The following PAK3 variants were observed in gnomAD, a reference collection of about 807,000 sequenced individuals.
PAK3 encodes serine/threonine-protein kinase PAK 3.
In PAK3, 4 loss-of-function variants were observed where a neutral mutation model predicts 41.0. The ratio of observed to expected loss-of-function variants is 0.10; its 90% CI spans 0.05 to 0.22. PAK3 has a LOEUF of 0.22. Ranked by LOEUF, PAK3 falls within the 10% of genes least tolerant of loss-of-function variation. The pLI, the probability that PAK3 is intolerant of heterozygous loss-of-function variation, is 1.00. For missense variants in PAK3, 205 were observed against 409.9 expected (o/e 0.50, Z 4.32); for synonymous variants, 146 against 139.6 (o/e 1.05, Z -0.32).
chrX:111,201,352 G>A (rs1277774390), intron 16 of PAK3, among the ~76,000 whole-genome samples: 1 of 111,993 alleles, frequency 8.9e-6, no homozygotes, highest in African/African-American at 3.2e-5. Flanking sequence ...GGAGATTGGA[G>A]AGAAAAAGGA....
intron 4 of PAK3, among the ~76,000 whole-genome samples, chrX:111,111,132 C>G (rs1162117947): frequency 8.9e-6 from 1 of 111,841 alleles, no homozygotes; most frequent in African/African-American, 3.2e-5. Context: ...TCCCACATGT[C>G]CAGCTCTCCA....
intron 11 of PAK3, among the ~76,000 whole-genome samples, chrX:111,181,461 G>A (rs894983537): frequency 1.8e-5 from 2 of 111,016 alleles, no homozygotes; most frequent in African/African-American, 6.5e-5. Flanking sequence ...TAGCTCATGC[G>A]TAATCAAGCC....
At chrX:111,178,980 T>C (rs11796071) in intron 11 of PAK3, among the ~76,000 whole-genome samples, 9,612 of 91,528 alleles carry the variant, frequency 0.11, 1,311 homozygotes, top group African/African-American at 0.35. Flanking sequence ...TATATATATA[T>C]AGAGAGAGAG....
chrX:111,182,313 C>T (rs1337838076), intron 11 of PAK3, among the ~76,000 whole-genome samples: 1 of 110,404 alleles, frequency 9.1e-6, no homozygotes, highest in Non-Finnish European at 1.9e-5. Flanking sequence ...ACCGAGCTCC[C>T]TGGCCCCACA....
In PAK3 at chrX:111,198,747, T is replaced by G. The variant is rs1045180467; in HGVS notation, c.1407+2107T>G. On this transcript the variant is annotated intron_variant, in intron 16 of 17. Coordinates refer to ENST00000372007, the MANE Select transcript of PAK3 (RefSeq NM_002578.5). Reference sequence around the variant, plus strand: ...GTTACTGTAGGCTTGTAGTACAGTTTAAAGCCAGGTAATATGATGCCTCCA... The same window carrying G: ...GTTACTGTAGGCTTGTAGTACAGTTGAAAGCCAGGTAATATGATGCCTCCA... Among the ~76,000 whole-genome samples the G allele has an allele frequency of 2.7e-5, 3 of 111,516 alleles. No homozygotes were observed. In the Admixed American group the frequency reaches 2.9e-4, roughly 11 times the overall value.
chrX:110,952,010 C>T (rs141793810), intron 1 of PAK3, among the ~76,000 whole-genome samples: 3,546 of 112,155 alleles, frequency 0.032, 54 homozygotes, highest in Non-Finnish European at 0.05. Flanking sequence ...AACTTGGCTT[C>T]CTGCAAAGAG....
chrX:111,075,191 T>G (rs938611895), intron 1 of PAK3, among the ~76,000 whole-genome samples: 2 of 112,512 alleles, frequency 1.8e-5, no homozygotes, highest in Non-Finnish European at 1.9e-5. Context: ...CAATTTAGAT[T>G]ATCACAACTA....
intron 1 of PAK3, among the ~76,000 whole-genome samples, chrX:110,996,152 T>C (rs753488934): frequency 1.6e-3 from 180 of 112,586 alleles, no homozygotes; most frequent in African/African-American, 5.4e-3. Flanking sequence ...TCTGTATTTC[T>C]AAATGCTCCT....
chrX:111,219,885 A>C (rs1226507005), intron 17 of PAK3, among the ~76,000 whole-genome samples: 1 of 111,460 alleles, frequency 9.0e-6, no homozygotes, highest in African/African-American at 3.3e-5. Context: ...AGGCAAAAAA[A>C]ATAAATTAAA....
intron 1 of PAK3, among the ~76,000 whole-genome samples, chrX:111,027,502 G>A (rs113156670): frequency 0.019 from 2,144 of 111,738 alleles, 54 homozygotes; most frequent in African/African-American, 0.067. Context: ...CAAAAAGTGG[G>A]CTAAGGACAC....
At chrX:111,116,323 T>A (rs2093463048) in intron 4 of PAK3, among the ~76,000 whole-genome samples, 1 of 111,879 alleles carries the variant, frequency 8.9e-6, no homozygotes, top group Non-Finnish European at 1.9e-5. Context: ...CTATTCTTTA[T>A]GGATCTTATT....
chrX:111,096,869 TACACACACACACACAC>T (rs771301130), intron 1 of PAK3: 2 of 72,208 alleles, frequency 2.8e-5, no homozygotes, highest in African/African-American at 1.0e-4. Flanking sequence ...CCCCGCCCCT[TACACACACACACACAC>T]ACACACACAC....
intron 8 of PAK3, among the ~76,000 whole-genome samples, chrX:111,161,781 T>G (rs906867479): frequency 3.7e-4 from 41 of 111,456 alleles, no homozygotes; most frequent in African/African-American, 1.3e-3. Context: ...GTTGTAGATA[T>G]GTGGCATTAT....
At chrX:111,178,511 G>A (rs185144274) in intron 11 of PAK3, among the ~76,000 whole-genome samples, 3 of 111,683 alleles carry the variant, frequency 2.7e-5, no homozygotes, top group Non-Finnish European at 5.7e-5. Flanking sequence ...ATCTCATAAG[G>A]TTGTAAAAAT....
intron 1 of PAK3, among the ~76,000 whole-genome samples, chrX:111,055,622 C>T (rs1479450081): frequency 8.9e-6 from 1 of 112,424 alleles, no homozygotes; most frequent in Non-Finnish European, 1.9e-5. Flanking sequence ...CCACTCAGGA[C>T]ACTGACTGGA....
At chrX:111,121,250 G>GA (rs1236723247) in intron 4 of PAK3, among the ~76,000 whole-genome samples, 4 of 111,196 alleles carry the variant, frequency 3.6e-5, no homozygotes, top group Admixed American at 9.6e-5. Flanking sequence ...CATTATTACT[G>GA]AAAAAATATA....
At chrX:111,072,645 A>G (rs1247948571) in intron 1 of PAK3, among the ~76,000 whole-genome samples, 2 of 112,202 alleles carry the variant, frequency 1.8e-5, no homozygotes, top group Non-Finnish European at 3.8e-5. Context: ...CCATATGTTT[A>G]TTTTCTTGAG....
At chrX:111,117,615 C>A (rs1331249865) in intron 4 of PAK3, among the ~76,000 whole-genome samples, 1 of 111,720 alleles carries the variant, frequency 9.0e-6, no homozygotes, top group Non-Finnish European at 1.9e-5. Context: ...TCCAAATATG[C>A]TTTCTTGTCT....
intron 1 of PAK3, among the ~76,000 whole-genome samples, chrX:110,998,701 GCAAGGACTTTGT>G (rs1170176170): frequency 8.9e-6 from 1 of 112,100 alleles, no homozygotes; most frequent in Non-Finnish European, 1.9e-5. Context: ...CTTATTGAGG[GCAAGGACTTTGT>G]CTTGTGCATA....
Sources: allele counts gnomAD v4.1 joint callset (sites outside exome capture counted in the v4.1 genomes callset), GRCh38; gene constraint gnomAD v4.1.1; transcripts MANE v1.5; gene names NCBI Gene and HGNC (gene_info 2026-07-23, HGNC 2026-07-21).